The following HM13 variants were observed in gnomAD, a reference collection of about 807,000 sequenced individuals.
HM13 encodes the protein signal peptide peptidase.
In HM13, 18 loss-of-function variants were observed where a neutral mutation model predicts 50.0. The ratio of observed to expected loss-of-function variants is 0.36; its 90% confidence interval spans 0.25 to 0.53. The LOEUF (loss-of-function observed/expected upper bound fraction) is 0.53, where lower values mean the gene tolerates loss of function less well. Among genes scored for constraint, HM13 ranks in the 20% least tolerant of loss-of-function variants. HM13 has a pLI of 0.90. For missense variants in HM13, 393 were observed against 552.4 expected, an observed-to-expected ratio of 0.71 and a Z score of 2.89; for synonymous variants, 197 against 232.6, an observed-to-expected ratio of 0.85 and a Z score of 1.39.
chr20:31,569,307 G>A lies in HM13; in HGVS notation c.*88G>A, dbSNP rs553736816. 2.2e-5 allele frequency: 19 copies of A among 863,932 alleles called. No individual in the cohort carries two copies. In the South Asian group the frequency reaches 2.7e-4, roughly 12 times the overall value. 53.5% of individuals were successfully genotyped at this position (863,932 alleles called of 1,614,324 possible). A position where few individuals can be genotyped will look rare whatever the true frequency, so the allele number is the denominator to read the frequency against. ...CGTGCACCGGTAGAGGGCACAGGAG[G>A]CCAAGGGCAGCTCCAGGACAGGGCA... On this transcript the variant is annotated 3_prime_UTR_variant, in exon 13 of 13. Coordinates refer to ENST00000398174, the MANE Select transcript of HM13 (RefSeq NM_178581.3).
At chr20:31,533,438 G>A (rs1982931908) in intron 2 of HM13, among the ~76,000 whole-genome samples, 1 of 152,254 alleles carries the variant, frequency 6.6e-6, no homozygotes, top group Non-Finnish European at 1.5e-5. Flanking sequence ...CCAGGAGGCA[G>A]AGGTTGTGGT....
At chr20:31,555,943 T>G (rs1158580717) in intron 8 of HM13, among the ~76,000 whole-genome samples, 1 of 151,930 alleles carries the variant, frequency 6.6e-6, no homozygotes, top group Non-Finnish European at 1.5e-5. Context: ...GCACTTCAGC[T>G]TGGGTGACAG....
chr20:31,568,203 G>A lies in HM13; in HGVS notation c.1160G>A (p.Arg387His), dbSNP rs766144942. The A allele has an allele frequency of 6.8e-6, 11 of 1,612,712 alleles. No homozygotes were observed. The highest frequency in any genetic ancestry group is 3.3e-5 in the South Asian group (3 of 91,008). Residue 387 changes from arginine (R) to histidine (H), a missense_variant, in exon 12 of 13, where the codon CGC becomes CAC. This residue lies in a region of HM13 where 105 missense variants were observed against 115.9 expected (regional missense o/e 0.91). Coordinates refer to ENST00000398174, the MANE Select transcript of HM13 (RefSeq NM_178581.3). ...QQKLAGPRRR[R>H]PQNPSAIYEE... ...AAGCTAGCTGGCCCTCGCCGCCGGC[G>A]CCCGCAGAATCCCAGCGCCATGTAA...
chr20:31,559,491 C>G (rs1040590451), intron 8 of HM13, 120 bp from the exon 9 acceptor site: 3 of 956,062 alleles, frequency 3.1e-6, no homozygotes, highest in African/African-American at 3.2e-5. Flanking sequence ...TGGCCACACC[C>G]TTGGTCTCCA....
At chr20:31,565,980 C>A in intron 10 of HM13, 1 of 407,584 alleles carries the variant, frequency 2.5e-6, no homozygotes, top group Non-Finnish European at 4.4e-6. Flanking sequence ...CCTGGGAACC[C>A]TTGAAGCCCT....
At chr20:31,544,130 C>G (rs918774267) in intron 3 of HM13, among the ~76,000 whole-genome samples, 2 of 152,222 alleles carry the variant, frequency 1.3e-5, no homozygotes, top group Non-Finnish European at 2.9e-5. Flanking sequence ...TCCAGGGAGA[C>G]AGAGCCACTG....
intron 1 of HM13, among the ~76,000 whole-genome samples, chr20:31,523,157 TCTC>T (rs1982279397): frequency 6.6e-6 from 1 of 151,582 alleles, no homozygotes; most frequent in Non-Finnish European, 1.5e-5. Context: ...TTCAAGCAAT[TCTC>T]CTGCCTCAAC....
chr20:31,531,623 G>A (rs1307447329), intron 2 of HM13, among the ~76,000 whole-genome samples: 1 of 151,182 alleles, frequency 6.6e-6, no homozygotes, highest in South Asian at 2.1e-4. Context: ...TTTTTGAGAC[G>A]GAGTCTGTCA....
At chr20:31,523,833 A>G (rs1982324913) in intron 1 of HM13, among the ~76,000 whole-genome samples, 1 of 152,104 alleles carries the variant, frequency 6.6e-6, no homozygotes, top group Admixed American at 6.5e-5. Context: ...TCATGTGGGT[A>G]TTGTTCACCC....
At chr20:31,544,302 T>A (rs1983600597) in intron 3 of HM13, among the ~76,000 whole-genome samples, 1 of 152,214 alleles carries the variant, frequency 6.6e-6, no homozygotes, top group Non-Finnish European at 1.5e-5. Context: ...CCTTCCTGGC[T>A]GGGAGGTGGG....
At chr20:31,534,382 G>A (rs1982991162) in intron 2 of HM13, among the ~76,000 whole-genome samples, 1 of 152,136 alleles carries the variant, frequency 6.6e-6, no homozygotes, top group African/African-American at 2.4e-5. Flanking sequence ...AAGGAAGGAA[G>A]GAGAGGGGAG....
In HM13 at chr20:31,568,199, C is replaced by G; in HGVS notation, c.1156C>G (p.Arg386Gly). The change falls in exon 12 of 13, where the codon CGG becomes GGG. Residue 386 changes from arginine to glycine, a missense_variant. Coordinates refer to ENST00000398174, the MANE Select transcript of HM13 (RefSeq NM_178581.3). ...MQQKLAGPRR[R>G]RPQNPSAIYE... The stretch of plus-strand genomic sequence containing the variant: ...GCAGAAGCTAGCTGGCCCTCGCCGC[C>G]GGCGCCCGCAGAATCCCAGCGCCAT... The G allele has an allele frequency of 6.2e-7, 1 of 1,612,926 alleles. No individual in the cohort carries two copies. The highest frequency in any genetic ancestry group is 8.5e-7 in the Non-Finnish European group (1 of 1,179,900).
chr20:31,553,347 A>G (rs1984132096), intron 7 of HM13, among the ~76,000 whole-genome samples: 1 of 151,880 alleles, frequency 6.6e-6, no homozygotes, highest in African/African-American at 2.4e-5. Context: ...ACCTGCAAGT[A>G]AGGAATTCAA....
chr20:31,556,185 T>G (rs1381510810), intron 8 of HM13, among the ~76,000 whole-genome samples: 1 of 151,568 alleles, frequency 6.6e-6, no homozygotes, highest in Non-Finnish European at 1.5e-5. Context: ...ATTATAGGCA[T>G]GCACCACCAC....
chr20:31,519,675 A>G (rs530035965), intron 1 of HM13, among the ~76,000 whole-genome samples: 45 of 152,300 alleles, frequency 3.0e-4, no homozygotes, highest in Middle Eastern at 3.4e-3. Context: ...ATTCTGATGC[A>G]TGCTCAAATT....
intron 11 of HM13, among the ~76,000 whole-genome samples, 156 bp downstream of exon 11, chr20:31,566,451 G>A (rs1051077091): frequency 3.3e-5 from 5 of 151,916 alleles, no homozygotes; most frequent in Non-Finnish European, 7.4e-5. Context: ...ATGGGTACCT[G>A]GCCTGTGGAC....
rs141906413 is a variant in HM13, at chr20:31,549,093, C to T, written c.519C>T (p.Gly173=). The T allele has an allele frequency of 2.6e-4, 415 of 1,613,822 alleles. 1 individual carries two copies. The highest frequency in any genetic ancestry group is 3.0e-4 in the Non-Finnish European group (351 of 1,179,878). ...LVCLGLSSIV[G]VWYLLRKHWI... is the part of the protein sequence containing the mutation. Reference sequence around the variant, plus strand: ...GCCTGGGCCTGAGCAGCATCGTTGGCGTCTGGTACCTGCTGAGGAAGGTGA... The same window carrying T: ...GCCTGGGCCTGAGCAGCATCGTTGGTGTCTGGTACCTGCTGAGGAAGGTGA... The change falls in exon 5 of 13, where the codon GGC becomes GGT. Residue 173 remains glycine, a synonymous_variant. Coordinates refer to ENST00000398174, the MANE Select transcript of HM13 (RefSeq NM_178581.3).
intron 8 of HM13, among the ~76,000 whole-genome samples, chr20:31,557,519 A>T (rs1984379880): frequency 6.6e-6 from 1 of 152,224 alleles, no homozygotes; most frequent in Non-Finnish European, 1.5e-5. Context: ...CCCCTGGATT[A>T]GTTGGAGAAC....
At chr20:31,534,506 G>GGAGTGCAGT (rs1269407218) in intron 2 of HM13, among the ~76,000 whole-genome samples, 3 of 152,200 alleles carry the variant, frequency 2.0e-5, no homozygotes. Flanking sequence ...ACCAGAGGCT[G>GGAGTGCAGT]GGCACCGTGG....
Sources: allele counts gnomAD v4.1 joint callset (sites outside exome capture counted in the v4.1 genomes callset), GRCh38; gene constraint gnomAD v4.1.1; regional missense constraint gnomAD v4.1.1; transcripts MANE v1.5; gene names NCBI Gene and HGNC (gene_info 2026-07-23, HGNC 2026-07-21).